The following IL1A variants were observed in gnomAD, a reference collection of about 807,000 sequenced individuals.
The protein encoded by IL1A is interleukin-1 alpha.
IL1A carries 16 observed loss-of-function variants against 22.2 expected under a neutral mutation model. The observed-to-expected ratio is 0.72, with a 90% CI of 0.49 to 1.09. IL1A has a LOEUF of 1.09. Ranked by LOEUF, IL1A falls within the 50% of genes least tolerant of loss-of-function variation. The pLI is 0.00. For missense variants in IL1A, 317 were observed against 321.8 expected (o/e 0.99, Z 0.11); for synonymous variants, 113 against 118.5 (o/e 0.95, Z 0.30).
chr2:112,782,126 C>A (rs78395904), intron 3 of IL1A, among the ~76,000 whole-genome samples: 2 of 152,186 alleles, frequency 1.3e-5, no homozygotes, highest in East Asian at 3.8e-4. Context: ...CCAATTAGTT[C>A]CCTCTCAGGA....
chr2:112,783,644 T>C, intron 2 of IL1A, 80 bp downstream of exon 2: 1 of 1,194,220 alleles, frequency 8.4e-7, no homozygotes, highest in Non-Finnish European at 1.3e-6. Context: ...GCCCCCATGC[T>C]GGCCACTGTT....
At position 112,777,967 on chromosome 2, in the gene IL1A, G is replaced by T; in HGVS notation, c.615+20C>A. On this transcript the variant is annotated intron_variant, in intron 6 of 6. Transcript: ENST00000263339. Reference sequence around the variant, plus strand: ...TATGAGATGTAAATGAAGGTAAGTTGGAGACAAAGGACAACTGACCTTCAG... The same window carrying T: ...TATGAGATGTAAATGAAGGTAAGTTTGAGACAAAGGACAACTGACCTTCAG... 6.2e-7 allele frequency: 1 copy of T among 1,613,326 alleles called. No individual in the cohort carries two copies. Among genetic ancestry groups the T allele is most frequent in the Admixed American group, 1.7e-5 (1 of 59,978 alleles).
chr2:112,778,076 C>A lies in IL1A; in HGVS notation c.526G>T (p.Asp176Tyr), dbSNP rs1801715. The A allele has an allele frequency of 6.2e-7, 1 of 1,613,686 alleles. No individual in the cohort carries two copies. Among genetic ancestry groups the A allele is most frequent in the South Asian group, 1.1e-5 (1 of 91,070 alleles). ...AGAATCACGGTAATTTTAGCATCAT[C>A]CTTTGATGACTTATAAGCACCCATG... The part of the protein sequence containing the change: ...FDMGAYKSSK[D>Y]DAKITVILRI... Residue 176 changes from aspartate to tyrosine, a missense_variant, in exon 6 of 7, where the codon GAT becomes TAT. Coordinates refer to ENST00000263339, the MANE Select transcript of IL1A (RefSeq NM_000575.5).
chr2:112,774,238 G>C lies in IL1A; in HGVS notation c.*829C>G, dbSNP rs902796384. ...AATGTACATTTATTATATGATTACAGGTCTCCCAAGTACTAGAATGCAGAG... is the reference window on the plus strand; with the variant it reads ...AATGTACATTTATTATATGATTACACGTCTCCCAAGTACTAGAATGCAGAG... On this transcript the variant is annotated 3_prime_UTR_variant, in exon 7 of 7. Coordinates refer to ENST00000263339, the MANE Select transcript of IL1A (RefSeq NM_000575.5). 6.6e-6 allele frequency: 1 copy of C among 152,018 alleles called. No individual in the cohort carries two copies. The highest frequency in any genetic ancestry group is 1.5e-5 in the Non-Finnish European group (1 of 68,012). 9.4% of individuals were successfully genotyped at this position (152,018 alleles called of 1,614,324 possible).
chr2:112,780,477 A>G (rs1681177684), intron 4 of IL1A, among the ~76,000 whole-genome samples: 1 of 152,204 alleles, frequency 6.6e-6, no homozygotes, highest in African/African-American at 2.4e-5. Context: ...AAACAGGAAT[A>G]TTGGGTTTAT....
chr2:112,780,443 G>A (rs780870695), intron 4 of IL1A, among the ~76,000 whole-genome samples: 5 of 152,268 alleles, frequency 3.3e-5, no homozygotes, highest in East Asian at 1.9e-4. Flanking sequence ...GTGAACATGC[G>A]TTATTGCTTA....
chr2:112,779,449 G>T, intron 5 of IL1A, 47 bp downstream of exon 5: 1 of 1,400,408 alleles, frequency 7.1e-7, no homozygotes, highest in Non-Finnish European at 9.8e-7. Context: ...ATAAGTAAAT[G>T]AAAGGAGGGG....
intron 6 of IL1A, among the ~76,000 whole-genome samples, chr2:112,775,767 C>A (rs1681092271): frequency 6.6e-6 from 1 of 151,880 alleles, no homozygotes; most frequent in Non-Finnish European, 1.5e-5. Flanking sequence ...CACACACATA[C>A]ACACACACAC....
In IL1A at chr2:112,779,476, C is replaced by A. The variant is rs1486413246; in HGVS notation, c.490+20G>T. 1.3e-6 allele frequency: 2 copies of A among 1,535,676 alleles called. No homozygotes were observed. The highest frequency in any genetic ancestry group is 1.2e-5 in the South Asian group (1 of 82,658). ...AAGGAGGGGAGGATGACAGAAATGT[C>A]TGGTGCCATTTTAATGTACCTGCTT... On this transcript the variant is annotated intron_variant, in intron 5 of 6. Coordinates refer to ENST00000263339, the MANE Select transcript of IL1A (RefSeq NM_000575.5).
chr2:112,779,662 G>T lies in IL1A; in HGVS notation c.324C>A (p.Ile108=). The change falls in exon 5 of 7, where the codon ATC becomes ATA. Residue 108 remains isoleucine (I), a synonymous_variant. Transcript: ENST00000263339. ...TAAAAGGTGCTGACCTAGGCTTGATGATTTCTAAAACCATGATCACAAGTG... is the reference window on the plus strand; with the variant it reads ...TAAAAGGTGCTGACCTAGGCTTGATTATTTCTAAAACCATGATCACAAGTG... The part of the protein sequence containing the change: ...EAIANDSEEE[I]IKPRSAPFSF... 6.3e-7 allele frequency: 1 copy of T among 1,599,314 alleles called. No individual in the cohort carries two copies. The highest frequency in any genetic ancestry group is 1.1e-5 in the South Asian group (1 of 90,452).
rs1168419432 is a variant in IL1A at position 112,780,373 on chromosome 2, C to T, written c.320-707G>A. 2.0e-5 allele frequency among the ~76,000 whole-genome samples: 3 copies of T among 152,218 alleles called. No individual in the cohort carries two copies. The East Asian group carries it at 5.8e-4, about 29-fold the overall frequency. On this transcript the variant is annotated intron_variant, in intron 4 of 6. Coordinates refer to ENST00000263339, the MANE Select transcript of IL1A (RefSeq NM_000575.5). Reference sequence around the variant, plus strand: ...CATAGTGCTGGCAGTAGTAAACTCTCACTGACGATATGAGTGATTTTTATT... The same window carrying T: ...CATAGTGCTGGCAGTAGTAAACTCTTACTGACGATATGAGTGATTTTTATT...
chr2:112,783,818 C>G (rs761036723), intron 1 of IL1A, 40 bp from the exon 2 acceptor site: 4 of 1,584,372 alleles, frequency 2.5e-6, no homozygotes, highest in Non-Finnish European at 3.5e-6. Flanking sequence ...CTCAGCCAGC[C>G]TCTAATCCAG....
At position 112,775,138 on chromosome 2, in the gene IL1A, C is replaced by T. The variant is rs1484437681; in HGVS notation, c.745G>A (p.Asp249Asn). 6.2e-7 allele frequency: 1 copy of T among 1,614,192 alleles called. No individual in the cohort carries two copies. The highest frequency in any genetic ancestry group is 2.2e-5 in the East Asian group (1 of 44,888). The change falls in exon 7 of 7, where the codon GAC becomes AAC. Residue 249 changes from aspartate (D) to asparagine (N), a missense_variant. Physicochemically the swap from Asp to Asn is conservative, Grantham distance 23 (BLOSUM62 1). Coordinates refer to ENST00000263339, the MANE Select transcript of IL1A (RefSeq NM_000575.5). ...HPNLFIATKQ[D>N]YWVCLAGGPP... ...CCCCCTGCCAAGCACACCCAGTAGTCTTGCTTTGTGGCAATAAACAAGTTT... is the reference window on the plus strand; with the variant it reads ...CCCCCTGCCAAGCACACCCAGTAGTTTTGCTTTGTGGCAATAAACAAGTTT...
Sources: allele counts gnomAD v4.1 joint callset (sites outside exome capture counted in the v4.1 genomes callset), GRCh38; gene constraint gnomAD v4.1.1; transcripts MANE v1.5; gene names NCBI Gene and HGNC (gene_info 2026-07-23, HGNC 2026-07-21).